The following KIAA1671 variants were observed in gnomAD, a reference collection of about 807,000 sequenced individuals.
KIAA1671 encodes the protein KIAA1671.
KIAA1671 carries 52 observed loss-of-function variants against 131.2 expected under a neutral mutation model. The ratio of observed to expected loss-of-function variants is 0.40; its 90% CI spans 0.32 to 0.50. The LOEUF (loss-of-function observed/expected upper bound fraction) is 0.50. Among genes scored for constraint, KIAA1671 ranks in the 20% least tolerant of loss-of-function variants. The pLI is 0.73. For missense variants in KIAA1671, 2,360 were observed against 2,364.2 expected, an observed-to-expected ratio of 1.00 and a Z score of 0.04; for synonymous variants, 1,003 against 961.6, an observed-to-expected ratio of 1.04 and a Z score of -0.80.
chr22:25,076,261 T>C (rs916348567), intron 6 of KIAA1671, among the ~76,000 whole-genome samples: 1 of 152,072 alleles, frequency 6.6e-6, no homozygotes, highest in African/African-American at 2.4e-5. Context: ...GTGAATCTAG[T>C]AGCCAATTCT....
At chr22:24,986,308 C>T (rs186640374) in intron 1 of KIAA1671, among the ~76,000 whole-genome samples, 2 of 152,182 alleles carry the variant, frequency 1.3e-5, no homozygotes, top group Admixed American at 6.5e-5. Flanking sequence ...GACTGGGTTA[C>T]GGGATACCAA....
intron 1 of KIAA1671, among the ~76,000 whole-genome samples, chr22:24,996,567 TTTGAG>T (rs1924150762): frequency 1.3e-5 from 2 of 152,206 alleles, no homozygotes; most frequent in Non-Finnish European, 2.9e-5. Flanking sequence ...AAGTGATTGA[TTTGAG>T]TTGTGACTCA....
chr22:25,094,842 G>A (rs1248152081), intron 6 of KIAA1671, among the ~76,000 whole-genome samples: 2 of 152,102 alleles, frequency 1.3e-5, no homozygotes, highest in Non-Finnish European at 2.9e-5. Context: ...GGGAGCATCA[G>A]GAAGCCAGCC....
At chr22:24,996,732 T>C (rs528044033) in intron 1 of KIAA1671, among the ~76,000 whole-genome samples, 36 of 152,268 alleles carry the variant, frequency 2.4e-4, no homozygotes, top group Non-Finnish European at 3.5e-4. Context: ...AAGCCAGTCA[T>C]TGGCTGTGGG....
chr22:25,020,173 C>T (rs1206833235), intron 1 of KIAA1671, among the ~76,000 whole-genome samples: 1 of 152,156 alleles, frequency 6.6e-6, no homozygotes, highest in Non-Finnish European at 1.5e-5. Flanking sequence ...CTCTACCCCT[C>T]ACTAGCAGTG....
chr22:25,190,800 G>A lies in KIAA1671; in HGVS notation c.*4+16G>A, dbSNP rs1440579022. 4 of 1,526,572 alleles carry A rather than the reference G, an allele frequency of 2.6e-6. No homozygotes were observed. The African/African-American group carries it at 4.1e-5, about 16-fold the overall frequency. 94.6% of individuals were successfully genotyped at this position (1,526,572 alleles called of 1,614,324 possible). A position where few individuals can be genotyped will look rare whatever the true frequency, so the allele number is the denominator to read the frequency against. ...GTTTGACCAGGTATGAAGGGGCTCT[G>A]TTGGGGAACCTGGGAAGAGCCCTGC... On this transcript the variant is annotated intron_variant, in intron 12 of 12. Coordinates refer to ENST00000358431, the MANE Select transcript of KIAA1671 (RefSeq NM_001145206.2).
chr22:24,982,767 A>AG (rs1453631094), intron 1 of KIAA1671, among the ~76,000 whole-genome samples: 1 of 152,180 alleles, frequency 6.6e-6, no homozygotes, highest in African/African-American at 2.4e-5. Flanking sequence ...CAGATCCCAG[A>AG]GGGCACAGGC....
At chr22:25,098,860 G>T (rs1462311305) in intron 6 of KIAA1671, among the ~76,000 whole-genome samples, 9 of 152,220 alleles carry the variant, frequency 5.9e-5, no homozygotes, top group Non-Finnish European at 1.5e-5. Context: ...GGAACAGCGT[G>T]GGTGGCGCAA....
At chr22:25,002,801 A>G (rs1234326679) in intron 1 of KIAA1671, among the ~76,000 whole-genome samples, 1 of 151,546 alleles carries the variant, frequency 6.6e-6, no homozygotes, top group African/African-American at 2.4e-5. Context: ...TTTTTTAAAG[A>G]CAGGATCTCA....
intron 6 of KIAA1671, chr22:25,070,389 C>T: frequency 1.9e-6 from 1 of 515,168 alleles, no homozygotes; most frequent in Admixed American, 3.0e-5. Context: ...ACTGCCCCAG[C>T]CTGCTGAAGC....
chr22:25,080,150 G>A (rs987966443), intron 6 of KIAA1671, among the ~76,000 whole-genome samples: 4 of 152,052 alleles, frequency 2.6e-5, no homozygotes, highest in Non-Finnish European at 4.4e-5. Flanking sequence ...GGGGCAGATC[G>A]GGACCCAGGT....
rs1416315084 is a variant in KIAA1671 at position 25,179,457 on chromosome 22, G to A, written c.5074+1935G>A. 2.5e-6 allele frequency: 4 copies of A among 1,613,248 alleles called. No homozygotes were observed. The African/African-American group carries it at 5.3e-5, about 22-fold the overall frequency. On this transcript the variant is annotated intron_variant, in intron 9 of 12. Transcript: ENST00000358431. ...TTGTAGTTGAGCTTCTCCTCCGCCT[G>A]GCGGCTGAAGTTGTTATTCTCCTCC...
chr22:24,971,395 C>G (rs955507493), intron 1 of KIAA1671, among the ~76,000 whole-genome samples: 1 of 152,196 alleles, frequency 6.6e-6, no homozygotes, highest in Non-Finnish European at 1.5e-5. Flanking sequence ...CCTTGCCAAC[C>G]GAATATCCAC....
chr22:25,066,969 G>A (rs1383244220), intron 6 of KIAA1671, among the ~76,000 whole-genome samples: 4 of 152,064 alleles, frequency 2.6e-5, no homozygotes, highest in Non-Finnish European at 4.4e-5. Flanking sequence ...CCCTGGGGGC[G>A]GGAAGAGAGG....
intron 6 of KIAA1671, among the ~76,000 whole-genome samples, chr22:25,118,723 T>C (rs2145925393): frequency 6.6e-6 from 1 of 152,160 alleles, no homozygotes; most frequent in South Asian, 2.1e-4. Context: ...CACCCCAGAC[T>C]TAGATGCCCA....
chr22:25,188,722 A>G (rs1314734611), intron 11 of KIAA1671, among the ~76,000 whole-genome samples: 1 of 152,216 alleles, frequency 6.6e-6, no homozygotes, highest in East Asian at 1.9e-4. Context: ...ATCATAAGGA[A>G]GAGAAAATAT....
intron 6 of KIAA1671, among the ~76,000 whole-genome samples, chr22:25,121,883 G>A (rs1931962571): frequency 6.6e-6 from 1 of 152,176 alleles, no homozygotes; most frequent in Non-Finnish European, 1.5e-5. Context: ...TAATGGCTGT[G>A]TTTAATACCT....
intron 6 of KIAA1671, among the ~76,000 whole-genome samples, chr22:25,074,905 A>T (rs1295562610): frequency 6.6e-6 from 1 of 150,996 alleles, no homozygotes; most frequent in African/African-American, 2.4e-5. Context: ...CAGAAGAGGG[A>T]TTGGTGGATC....
chr22:25,142,494 C>T (rs547584868), intron 6 of KIAA1671, among the ~76,000 whole-genome samples: 5 of 152,262 alleles, frequency 3.3e-5, no homozygotes, highest in African/African-American at 7.2e-5. Context: ...CTGCCATCTT[C>T]GCCAGAGGGT....
Sources: allele counts gnomAD v4.1 joint callset (sites outside exome capture counted in the v4.1 genomes callset), GRCh38; gene constraint gnomAD v4.1.1; transcripts MANE v1.5; gene names NCBI Gene and HGNC (gene_info 2026-07-23, HGNC 2026-07-21).